The following UNC13C variants were observed in gnomAD, a reference collection of about 807,000 sequenced individuals.
UNC13C encodes the protein unc-13 homolog C, also known as protein unc-13 homolog C.
Under a neutral mutation model 245.4 loss-of-function variants are expected in UNC13C, and 174 were observed. That is an observed-to-expected ratio of 0.71 (90% CI 0.63 to 0.80). The LOEUF is 0.80. UNC13C is among the 30% of genes least tolerant of loss of function. The pLI, the probability that UNC13C is intolerant of heterozygous loss-of-function variation, is 0.00. For synonymous variants in UNC13C, 992 were observed against 895.1 expected, an observed-to-expected ratio of 1.11 and a Z score of -1.93; for missense variants, 2,829 against 2,602.9, an observed-to-expected ratio of 1.09 and a Z score of -1.89.
intron 20 of UNC13C, among the ~76,000 whole-genome samples, chr15:54,498,797 A>G (rs1033447234): frequency 1.3e-5 from 2 of 152,206 alleles, no homozygotes; most frequent in African/African-American, 2.4e-5. Context: ...ATGCATTATT[A>G]TAAAGATAGC....
At chr15:54,607,831 T>G (rs1899852879) in intron 30 of UNC13C, among the ~76,000 whole-genome samples, 1 of 152,064 alleles carries the variant, frequency 6.6e-6, no homozygotes, top group Non-Finnish European at 1.5e-5. Flanking sequence ...AGGGGGAAAT[T>G]TGCTCCCATG....
At chr15:53,944,737 G>A in the UNC13C span, among the ~76,000 whole-genome samples, 6 of 152,048 alleles carry the variant, frequency 3.9e-5, no homozygotes, top group East Asian at 1.9e-4. Flanking sequence ...CTATGCATCC[G>A]TGTGTCCTTA....
Position 54,406,955 on chromosome 15 carries a change from C to T in UNC13C, c.4848-8027C>T, listed in dbSNP as rs557228552. On this transcript the variant is annotated intron_variant, in intron 18 of 32. Transcript: ENST00000260323. Reference sequence around the variant, plus strand: ...ATCAGAAGATATATAGAATGTCAGGCGTGTCAAGAAATAATAAATAATAGG... The same window carrying T: ...ATCAGAAGATATATAGAATGTCAGGTGTGTCAAGAAATAATAAATAATAGG... 5.3e-4 allele frequency among the ~76,000 whole-genome samples: 80 copies of T among 151,854 alleles called. No individual in the cohort carries two copies. In the East Asian group the frequency reaches 6.0e-3, roughly 11 times the overall value.
chr15:54,032,893 C>G (rs764853621), intron 2 of UNC13C, among the ~76,000 whole-genome samples: 5 of 152,078 alleles, frequency 3.3e-5, no homozygotes, highest in Non-Finnish European at 7.4e-5. Context: ...AATGGAAAAC[C>G]AAACATCATA....
intron 19 of UNC13C, among the ~76,000 whole-genome samples, chr15:54,445,376 C>T (rs556128163): frequency 6.6e-6 from 1 of 151,874 alleles, no homozygotes; most frequent in Admixed American, 6.6e-5. Flanking sequence ...GGAATGGGCA[C>T]ACTGTCTTCT....
the UNC13C span, among the ~76,000 whole-genome samples, chr15:53,928,778 C>G: frequency 6.6e-6 from 1 of 152,134 alleles, no homozygotes; most frequent in African/African-American, 2.4e-5. Flanking sequence ...ACTGGGAGCT[C>G]TAACTTAGCA....
At chr15:54,152,097 T>A (rs1266672841) in intron 4 of UNC13C, among the ~76,000 whole-genome samples, 1 of 152,202 alleles carries the variant, frequency 6.6e-6, no homozygotes, top group African/African-American at 2.4e-5. Context: ...AAGGCAGTCT[T>A]TTCTCAATTA....
intron 2 of UNC13C, among the ~76,000 whole-genome samples, chr15:54,107,661 ACCTG>A (rs1263091651): frequency 6.6e-6 from 1 of 152,218 alleles, no homozygotes; most frequent in Non-Finnish European, 1.5e-5. Context: ...ATGAGAACTC[ACCTG>A]TTAGTTTAAA....
intron 4 of UNC13C, among the ~76,000 whole-genome samples, chr15:54,183,971 G>GAA (rs11419191): frequency 3.4e-5 from 5 of 148,660 alleles, no homozygotes; most frequent in Non-Finnish European, 6.0e-5. Context: ...AACCAGTTTT[G>GAA]AAAAAAAAAA....
chr15:53,877,868 G>T, the UNC13C span, among the ~76,000 whole-genome samples: 3 of 151,940 alleles, frequency 2.0e-5, no homozygotes, highest in South Asian at 4.1e-4. Context: ...GTAACTATGG[G>T]GATTTCCATT....
At chr15:54,454,570 G>A (rs114970804) in intron 19 of UNC13C, among the ~76,000 whole-genome samples, 21,506 of 119,088 alleles carry the variant, frequency 0.18, 1,617 homozygotes, top group Non-Finnish European at 0.2. Context: ...AATAGTGGGG[G>A]AAAAAAAAAA....
At chr15:54,566,015 T>G (rs1015781928) in intron 29 of UNC13C, among the ~76,000 whole-genome samples, 4 of 152,002 alleles carry the variant, frequency 2.6e-5, no homozygotes, top group African/African-American at 9.7e-5. Flanking sequence ...TTTATAAGAC[T>G]GGGGCTTACC....
At chr15:54,157,237 C>T (rs149041009) in intron 4 of UNC13C, among the ~76,000 whole-genome samples, 190 of 152,284 alleles carry the variant, frequency 1.2e-3, no homozygotes, top group African/African-American at 4.5e-3. Context: ...TAATGTGATA[C>T]ACTGACAAAT....
intron 19 of UNC13C, among the ~76,000 whole-genome samples, chr15:54,458,759 C>T: frequency 7.7e-6 from 1 of 130,686 alleles, no homozygotes; most frequent in East Asian, 2.6e-4. Context: ...AATATCTTTT[C>T]CATCCCTTTA....
chr15:54,524,957 C>A (rs1372852384), intron 24 of UNC13C, among the ~76,000 whole-genome samples: 1 of 152,136 alleles, frequency 6.6e-6, no homozygotes, highest in African/African-American at 2.4e-5. Flanking sequence ...GAACTTTCAG[C>A]TGTAAATTAG....
At chr15:54,251,147 A>G (rs1390184271) in intron 8 of UNC13C, among the ~76,000 whole-genome samples, 19 of 152,188 alleles carry the variant, frequency 1.2e-4, no homozygotes, top group Admixed American at 1.2e-3. Flanking sequence ...GGATCAAGAT[A>G]TGCTTCTGCA....
intron 4 of UNC13C, among the ~76,000 whole-genome samples, chr15:54,184,488 A>T (rs995012723): frequency 2.0e-5 from 3 of 152,028 alleles, no homozygotes; most frequent in African/African-American, 7.2e-5. Flanking sequence ...TCTTCGATCA[A>T]TTCCCACCTA....
At chr15:54,519,643 GA>G (rs1247957371) in intron 24 of UNC13C, among the ~76,000 whole-genome samples, 1 of 152,190 alleles carries the variant, frequency 6.6e-6, no homozygotes, top group East Asian at 1.9e-4. Flanking sequence ...TAGTCTGTCT[GA>G]AAATTGTCGT....
intron 30 of UNC13C, 47 bp from the exon 31 acceptor site, chr15:54,622,280 T>C: frequency 7.9e-7 from 1 of 1,270,394 alleles, no homozygotes; most frequent in Non-Finnish European, 1.2e-6. Flanking sequence ...TTGTCCATTA[T>C]TAATGAGTCT....
Sources: allele counts gnomAD v4.1 joint callset (sites outside exome capture counted in the v4.1 genomes callset), GRCh38; gene constraint gnomAD v4.1.1; transcripts MANE v1.5; gene names NCBI Gene and HGNC (gene_info 2026-07-23, HGNC 2026-07-21).